The following ABL1 variants were observed in gnomAD, a reference collection of about 807,000 sequenced individuals.
ABL1 encodes the protein ABL proto-oncogene 1, non-receptor tyrosine kinase, also known as tyrosine-protein kinase ABL1.
ABL1 carries 11 observed loss-of-function variants against 94.7 expected under a neutral mutation model. The ratio of observed to expected loss-of-function variants is 0.12; its 90% confidence interval spans 0.07 to 0.19. The LOEUF is 0.19. Ranked by LOEUF, ABL1 falls within the 10% of genes least tolerant of loss-of-function variation. The pLI, the probability that ABL1 is intolerant of heterozygous loss-of-function variation, is 1.00. For missense variants in ABL1, 1,082 were observed against 1,489.4 expected (o/e 0.73, Z 4.50); for synonymous variants, 656 against 622.4 (o/e 1.05, Z -0.80).
At chr9:130,849,250 A>G (rs932754453) in intron 1 of ABL1, among the ~76,000 whole-genome samples, 16 of 152,162 alleles carry the variant, frequency 1.1e-4, no homozygotes, top group Non-Finnish European at 1.6e-4. Context: ...TGTTGTTTAA[A>G]ATTAGTGTAT....
intron 6 of ABL1, 58 bp downstream of exon 6, chr9:130,873,095 C>A (rs992297110): frequency 6.4e-7 from 1 of 1,550,860 alleles, no homozygotes; most frequent in Non-Finnish European, 8.7e-7. Flanking sequence ...AGCCGGGCAG[C>A]CTTTTACAAA....
In ABL1 at chr9:130,885,413, C is replaced by G; in HGVS notation, c.3123C>G (p.Leu1041=). ...VVLDSTEALC[L]AISRNSEQMA... is the part of the protein sequence containing the mutation. ...TGGACAGCACCGAGGCGCTGTGCCT[C>G]GCCATCTCTAGGAACTCCGAGCAGA... Residue 1041 remains leucine, a synonymous_variant, in exon 11 of 11, where the codon CTC becomes CTG. Transcript: ENST00000318560. 1 of 1,613,660 alleles carries G rather than the reference C, an allele frequency of 6.2e-7. No homozygotes were observed. Among genetic ancestry groups the G allele is most frequent in the Non-Finnish European group, 8.5e-7 (1 of 1,180,042 alleles).
chr9:130,835,439 G>A lies in ABL1; in HGVS notation c.-8G>A, dbSNP rs1262160317. On this transcript the variant is annotated 5_prime_UTR_variant, in exon 1 of 11. Transcript: ENST00000318560. The surrounding 1 kb of genome is among the most constrained non-coding windows in gnomAD (Gnocchi z 4.6). ...GGGTTCCGGCCCCCGACGTGCTGGC[G>A]CGGGAAAATGTTGGAGATCTGCCTG... The A allele has an allele frequency of 6.5e-7, 1 of 1,544,466 alleles. No individual in the cohort carries two copies. Among genetic ancestry groups the A allele is most frequent in the Admixed American group, 2.0e-5 (1 of 50,698 alleles).
chr9:130,879,756 A>G (rs1244487033), intron 8 of ABL1, among the ~76,000 whole-genome samples: 5 of 152,178 alleles, frequency 3.3e-5, no homozygotes, highest in African/African-American at 1.2e-4. Context: ...ATAGAAGGTG[A>G]GCTGTTTGGC....
chr9:130,809,914 C>T (rs1830184645), intron 1 of ABL1, among the ~76,000 whole-genome samples: 2 of 152,180 alleles, frequency 1.3e-5, no homozygotes, highest in East Asian at 1.9e-4. Context: ...TCTGGTCTTG[C>T]TTAGCAAAGG....
intron 1 of ABL1, among the ~76,000 whole-genome samples, chr9:130,847,232 A>G (rs1301837811): frequency 3.3e-5 from 5 of 152,230 alleles, no homozygotes; most frequent in Admixed American, 3.3e-4. Context: ...AAATCTGTTT[A>G]AAGTATGACT....
At chr9:130,730,186 A>C (rs1831645422) in intron 1 of ABL1, among the ~76,000 whole-genome samples, 1 of 151,458 alleles carries the variant, frequency 6.6e-6, no homozygotes, top group Admixed American at 6.6e-5. Flanking sequence ...TGGAATATGG[A>C]CATGTGCCAC....
chr9:130,765,385 A>G (rs1338874116), intron 1 of ABL1, among the ~76,000 whole-genome samples: 1 of 152,190 alleles, frequency 6.6e-6, no homozygotes, highest in Non-Finnish European at 1.5e-5. Flanking sequence ...TCTACATGGA[A>G]ATCCTTGTGG....
intron 1 of ABL1, among the ~76,000 whole-genome samples, chr9:130,803,817 T>TA (rs1271757089): frequency 6.6e-6 from 1 of 152,222 alleles, no homozygotes; most frequent in African/African-American, 2.4e-5. Context: ...TAACTCAGTT[T>TA]ATTATCAGCT....
intron 1 of ABL1, among the ~76,000 whole-genome samples, chr9:130,829,405 C>CAA (rs951254991): frequency 6.6e-6 from 1 of 151,696 alleles, no homozygotes; most frequent in Non-Finnish European, 1.5e-5. Context: ...ACTAAAAATA[C>CAA]AAAAAAATTA....
At chr9:130,769,474 G>T (rs1832226122) in intron 1 of ABL1, among the ~76,000 whole-genome samples, 1 of 151,540 alleles carries the variant, frequency 6.6e-6, no homozygotes, top group Non-Finnish European at 1.5e-5. Flanking sequence ...TGGGATTACA[G>T]GTGTGCACCA....
intron 1 of ABL1, among the ~76,000 whole-genome samples, chr9:130,812,506 G>A (rs1190396633): frequency 6.6e-6 from 1 of 152,100 alleles, no homozygotes; most frequent in African/African-American, 2.4e-5. Context: ...GGAAAAAGAT[G>A]TTAATATGTT....
In ABL1 at chr9:130,854,829, T is replaced by A. The variant is rs753490709; in HGVS notation, c.282T>A (p.Asn94Lys). 6.8e-6 allele frequency: 11 copies of A among 1,614,178 alleles called. No individual in the cohort carries two copies. Among genetic ancestry groups the A allele is most frequent in the Non-Finnish European group, 8.5e-6 (10 of 1,180,018 alleles). ...KGEKLRVLGY[N>K]HNGEWCEAQT... ...AAAAGCTCCGGGTCTTAGGCTATAA[T>A]CACAATGGGGAATGGTGTGAAGCCC... The change falls in exon 3 of 11, where the codon AAT becomes AAA. Residue 94 changes from asparagine to lysine, a missense_variant. Coordinates refer to ENST00000318560, the MANE Select transcript of ABL1 (RefSeq NM_005157.6).
intron 1 of ABL1, among the ~76,000 whole-genome samples, chr9:130,802,093 G>GTTTTT (rs755216103): frequency 8.4e-6 from 1 of 118,808 alleles, no homozygotes; most frequent in Non-Finnish European, 1.7e-5. Flanking sequence ...TTTTCCTTCA[G>GTTTTT]TCTTTTTTTT....
Position 130,872,242 on chromosome 9 carries a change from G to C in ABL1, c.907+29G>C, listed in dbSNP as rs1243821363. 1.9e-6 allele frequency: 3 copies of C among 1,600,820 alleles called. No individual in the cohort carries two copies. The African/African-American group carries it at 4.0e-5, about 21-fold the overall frequency. ...AGTAAGCCCGGGGCTCTGAAGAGAG[G>C]GTCTCGCGCCGCACCCCCAGGGTGA... On this transcript the variant is annotated intron_variant, in intron 5 of 10. Coordinates refer to ENST00000318560, the MANE Select transcript of ABL1 (RefSeq NM_005157.6). This position sits in a 1 kb window ranked among gnomAD's most constrained non-coding sequence, Gnocchi z 5.0.
chr9:130,760,112 T>C (rs1212115509), intron 1 of ABL1, among the ~76,000 whole-genome samples: 4 of 151,866 alleles, frequency 2.6e-5, no homozygotes, highest in Admixed American at 1.3e-4. Flanking sequence ...CAGCCAGTTG[T>C]TTAGTTTTAA....
intron 1 of ABL1, among the ~76,000 whole-genome samples, chr9:130,847,634 G>C (rs1314680581): frequency 3.3e-5 from 5 of 152,206 alleles, no homozygotes; most frequent in African/African-American, 1.2e-4. Flanking sequence ...GTGTTGGACT[G>C]TGGCTACACT....
chr9:130,815,604 C>T (rs1440582636), intron 1 of ABL1, among the ~76,000 whole-genome samples: 1 of 152,158 alleles, frequency 6.6e-6, no homozygotes, highest in Non-Finnish European at 1.5e-5. Flanking sequence ...GGCCAGGGTC[C>T]CTGCTTCTGC....
intron 1 of ABL1, among the ~76,000 whole-genome samples, chr9:130,841,465 G>A (rs1318874123): frequency 6.6e-6 from 1 of 152,030 alleles, no homozygotes; most frequent in Non-Finnish European, 1.5e-5. Flanking sequence ...ATTCAAAGCC[G>A]TCCTGGGCCA....
Sources: gnomAD v4.1 joint callset for allele counts (sites outside exome capture counted in the v4.1 genomes callset) on GRCh38, gnomAD v4.1.1 for gene constraint, Gnocchi (gnomAD v3.1) non-coding constraint, MANE v1.5 for transcripts, NCBI Gene and HGNC (gene_info 2026-07-23, HGNC 2026-07-21) for gene names.